GPHN: variants seen among roughly 807,000 people sequenced by gnomAD.
The protein encoded by GPHN is gephyrin.
In GPHN, 17 loss-of-function variants were observed where a neutral mutation model predicts 95.5. The observed-to-expected ratio is 0.18, with a 90% CI of 0.12 to 0.27. GPHN has a LOEUF of 0.27. Ranked by LOEUF, GPHN falls within the 10% of genes least tolerant of loss-of-function variation. The pLI, the probability that GPHN is intolerant of heterozygous loss-of-function variation, is 1.00. For missense variants in GPHN, 660 were observed against 978.1 expected, an observed-to-expected ratio of 0.67 and a Z score of 4.34; for synonymous variants, 320 against 322.5, an observed-to-expected ratio of 0.99 and a Z score of 0.08.
At chr14:66,715,986 C>T (rs1241237841) in intron 2 of GPHN, among the ~76,000 whole-genome samples, 2 of 151,358 alleles carry the variant, frequency 1.3e-5, no homozygotes, top group African/African-American at 4.9e-5. Flanking sequence ...TTCTATATAT[C>T]TATATATATA....
chr14:67,499,002 T>TATTA, the GPHN span, among the ~76,000 whole-genome samples: 559 of 151,062 alleles, frequency 3.7e-3, 3 homozygotes, highest in African/African-American at 0.013. Context: ...TTTATTTATT[T>TATTA]ATTAGTTATT....
intron 1 of GPHN, among the ~76,000 whole-genome samples, chr14:66,638,358 A>G (rs909668577): frequency 6.6e-6 from 1 of 151,866 alleles, no homozygotes; most frequent in Non-Finnish European, 1.5e-5. Context: ...TGCTTGAACC[A>G]GGGAGGCAGA....
At chr14:66,551,772 G>A (rs1281438476) in intron 1 of GPHN, among the ~76,000 whole-genome samples, 1 of 152,204 alleles carries the variant, frequency 6.6e-6, no homozygotes, top group East Asian at 1.9e-4. Flanking sequence ...GCCAGAGCAG[G>A]AGGAAGAGAA....
the GPHN span, among the ~76,000 whole-genome samples, chr14:67,290,750 G>T: frequency 6.6e-6 from 1 of 152,046 alleles, no homozygotes; most frequent in African/African-American, 2.4e-5. Flanking sequence ...GCCCAGGCTG[G>T]TCTCCACCTC....
chr14:67,142,078 A>T (rs567245460), intron 17 of GPHN, among the ~76,000 whole-genome samples: 4 of 152,274 alleles, frequency 2.6e-5, no homozygotes, highest in African/African-American at 9.6e-5. Flanking sequence ...CTCAAGGGGG[A>T]TGAAAGGCAG....
chr14:66,796,338 T>A (rs763694498), intron 3 of GPHN, among the ~76,000 whole-genome samples: 1 of 151,942 alleles, frequency 6.6e-6, no homozygotes, highest in Non-Finnish European at 1.5e-5. Flanking sequence ...TTTCAGTATA[T>A]ACCCACCAGT....
chr14:67,088,924 A>G, intron 11 of GPHN, 59 bp from the exon 12 acceptor site: 1 of 941,708 alleles, frequency 1.1e-6, no homozygotes, highest in Non-Finnish European at 1.8e-6. Flanking sequence ...CTTGTTTATG[A>G]CTGCCTGCTT....
intron 13 of GPHN, among the ~76,000 whole-genome samples, chr14:67,109,754 A>G (rs1435601624): frequency 3.3e-5 from 5 of 152,120 alleles, no homozygotes; most frequent in Non-Finnish European, 7.4e-5. Flanking sequence ...TTTTTTTTGT[A>G]ATTGTTATTC....
At chr14:67,079,158 G>A (rs1296412292) in intron 11 of GPHN, among the ~76,000 whole-genome samples, 1 of 151,932 alleles carries the variant, frequency 6.6e-6, no homozygotes, top group Non-Finnish European at 1.5e-5. Flanking sequence ...ATATAGAAAT[G>A]AAATATGCTT....
At position 66,534,238 on chromosome 14, in the gene GPHN, G is replaced by T. The variant is rs113522363; in HGVS notation, c.64+25647G>T. Among the ~76,000 whole-genome samples the T allele has an allele frequency of 7.9e-5, 12 of 152,240 alleles. 2 individuals are homozygous for T. Among genetic ancestry groups the T allele is most frequent in the African/African-American group, 2.9e-4 (12 of 41,566 alleles). The stretch of plus-strand genomic sequence containing the variant: ...CAATTAACACTCAGATCAAGATGTA[G>T]AACATCTCCAGCACTCCAGAAGCCT... On this transcript the variant is annotated intron_variant, in intron 1 of 22. Transcript: ENST00000478722.
chr14:66,587,878 C>G (rs1333393929), intron 1 of GPHN, among the ~76,000 whole-genome samples: 1 of 152,178 alleles, frequency 6.6e-6, no homozygotes, highest in South Asian at 2.1e-4. Context: ...GCACAGCATT[C>G]GAGCTCTGCT....
intron 16 of GPHN, among the ~76,000 whole-genome samples, chr14:67,119,843 A>G (rs1595227285): frequency 6.6e-6 from 1 of 151,672 alleles, no homozygotes; most frequent in South Asian, 2.1e-4. Context: ...AAGTGGGAAG[A>G]TAGTGGCCAG....
chr14:66,954,857 G>A (rs904419714), intron 8 of GPHN, among the ~76,000 whole-genome samples: 1 of 152,124 alleles, frequency 6.6e-6, no homozygotes, highest in African/African-American at 2.4e-5. Flanking sequence ...CTACATTAAC[G>A]GAGATGATCA....
chr14:67,574,886 A>C, the GPHN span, among the ~76,000 whole-genome samples: 2 of 152,192 alleles, frequency 1.3e-5, no homozygotes, highest in Non-Finnish European at 2.9e-5. The surrounding 1 kb of genome is among the most constrained non-coding windows in gnomAD (Gnocchi z 4.2). Flanking sequence ...CATTAGCTAG[A>C]CCAGAACACC....
intron 1 of GPHN, among the ~76,000 whole-genome samples, chr14:66,580,775 C>T (rs560577819): frequency 1.8e-4 from 27 of 151,830 alleles, no homozygotes; most frequent in Non-Finnish European, 2.7e-4. Context: ...CTCAAGCTCT[C>T]TCAAAAAATT....
At chr14:67,348,589 T>G in the GPHN span, among the ~76,000 whole-genome samples, 1 of 152,146 alleles carries the variant, frequency 6.6e-6, no homozygotes, top group East Asian at 1.9e-4. Flanking sequence ...TGGTGCAATC[T>G]CGGCTCACTG....
intron 21 of GPHN, among the ~76,000 whole-genome samples, chr14:67,176,526 C>T (rs373426331): frequency 1.4e-4 from 21 of 152,152 alleles, no homozygotes; most frequent in Middle Eastern, 3.4e-3. Context: ...AGGATATTGG[C>T]CTAAAATTCT....
chr14:66,580,655 T>G (rs968286324), intron 1 of GPHN, among the ~76,000 whole-genome samples: 3 of 151,786 alleles, frequency 2.0e-5, no homozygotes, highest in African/African-American at 7.2e-5. Flanking sequence ...TATAAACTAC[T>G]AATTAAGGAA....
At chr14:67,036,600 G>T (rs1263316472) in intron 10 of GPHN, among the ~76,000 whole-genome samples, 1 of 147,936 alleles carries the variant, frequency 6.8e-6, no homozygotes, top group African/African-American at 2.5e-5. Flanking sequence ...GGGGTACAAA[G>T]TCAACAATAA....
Sources: allele counts gnomAD v4.1 joint callset (sites outside exome capture counted in the v4.1 genomes callset), GRCh38; gene constraint gnomAD v4.1.1; non-coding constraint Gnocchi (gnomAD v3.1); transcripts MANE v1.5; gene names NCBI Gene and HGNC (gene_info 2026-07-23, HGNC 2026-07-21).